SYNE1: variants seen among roughly 807,000 people sequenced by gnomAD.
The protein encoded by SYNE1 is nesprin-1.
SYNE1 carries 616 observed loss-of-function variants against 1,111.0 expected under a neutral mutation model. The observed-to-expected ratio is 0.55, with a 90% CI of 0.52 to 0.59. The LOEUF (loss-of-function observed/expected upper bound fraction) is 0.59, where lower values mean the gene tolerates loss of function less well. Ranked by LOEUF, SYNE1 falls within the 20% of genes least tolerant of loss-of-function variation. The pLI, the probability that SYNE1 is intolerant of heterozygous loss-of-function variation, is 0.00. For synonymous variants in SYNE1, 3,855 were observed against 3,825.8 expected, an observed-to-expected ratio of 1.01 and a Z score of -0.28; for missense variants, 10,006 against 10,417.0, an observed-to-expected ratio of 0.96 and a Z score of 1.72.
rs757688642 is a variant in SYNE1 at position 152,224,547 on chromosome 6, G to A, written c.21469C>T (p.Arg7157Cys). ...MEARYSLSRFRLLTGSLEAVQ... is the reference protein window; with the variant it reads ...MEARYSLSRFCLLTGSLEAVQ... ...GCTTCTAAGGAGCCAGTCAGCAGAC[G>A]GAATCGGGAAAGAGAGTATCTGGCC... Residue 7157 changes from arginine (R) to cysteine (C), a missense_variant, in exon 117 of 146, where the codon CGT becomes TGT. By Grantham distance (180) the Arg-to-Cys change is radical. Coordinates refer to ENST00000367255, the MANE Select transcript of SYNE1 (RefSeq NM_182961.4). The A allele has an allele frequency of 2.0e-5, 33 of 1,613,858 alleles. No individual in the cohort carries two copies. In the African/African-American group the frequency reaches 2.4e-4, roughly 12 times the overall value.
chr6:152,536,446 A>AGT (rs1336290060), intron 4 of SYNE1, among the ~76,000 whole-genome samples: 1 of 103,334 alleles, frequency 9.7e-6, no homozygotes, highest in African/African-American at 3.0e-5. Flanking sequence ...TATATATAGT[A>AGT]ATATATATTT....
At chr6:152,454,683 T>C (rs1284830215) in intron 24 of SYNE1, among the ~76,000 whole-genome samples, 1 of 152,196 alleles carries the variant, frequency 6.6e-6, no homozygotes, top group East Asian at 1.9e-4. Flanking sequence ...AAAACGGTGA[T>C]TCAAAACAAG....
intron 142 of SYNE1, 189 bp downstream of exon 142, chr6:152,134,912 TATC>T (rs761829541): frequency 7.8e-6 from 5 of 638,042 alleles, no homozygotes; most frequent in Non-Finnish European, 1.3e-5. Flanking sequence ...AGCTAGCAGA[TATC>T]ATCTTCTATG....
rs149866700 is a variant in SYNE1, at chr6:152,490,465, T to C, written c.940-1962A>G. ...GATGACATTCCACCATTGTGATTTG[T>C]TCCTGCCCCATCCTAACTGATCAAT... is the stretch of plus-strand genomic sequence containing the variant. On this transcript the variant is annotated intron_variant, in intron 11 of 145. Coordinates refer to ENST00000367255, the MANE Select transcript of SYNE1 (RefSeq NM_182961.4). Among the ~76,000 whole-genome samples, 598 of 152,300 alleles carry C rather than the reference T, an allele frequency of 3.9e-3. 6 individuals are homozygous for C. The highest frequency in any genetic ancestry group is 0.014 in the African/African-American group (565 of 41,574).
intron 3 of SYNE1, among the ~76,000 whole-genome samples, chr6:152,563,391 C>A (rs1295066597): frequency 6.6e-6 from 1 of 152,112 alleles, no homozygotes; most frequent in East Asian, 1.9e-4. Flanking sequence ...AGCGTGTCTA[C>A]AAAGACAGTG....
intron 66 of SYNE1, among the ~76,000 whole-genome samples, chr6:152,357,663 C>T (rs2096860625): frequency 6.6e-6 from 1 of 152,158 alleles, no homozygotes. Context: ...TATTTATAAT[C>T]ATCTTTCTAT....
intron 3 of SYNE1, among the ~76,000 whole-genome samples, chr6:152,623,109 G>A (rs974811454): frequency 2.0e-5 from 3 of 151,986 alleles, no homozygotes; most frequent in Non-Finnish European, 4.4e-5. Context: ...ATACTGCAGG[G>A]CTACAGTAAC....
chr6:152,303,694 A>G (rs1411320350), intron 91 of SYNE1, among the ~76,000 whole-genome samples: 1 of 152,214 alleles, frequency 6.6e-6, no homozygotes, highest in Non-Finnish European at 1.5e-5. Context: ...GATTACTAAT[A>G]ATACCTAATA....
chr6:152,472,828 C>G (rs2098814211), intron 14 of SYNE1, among the ~76,000 whole-genome samples: 1 of 152,148 alleles, frequency 6.6e-6, no homozygotes, highest in African/African-American at 2.4e-5. Context: ...ATTAGGCTTT[C>G]TACTGTTATT....
intron 4 of SYNE1, among the ~76,000 whole-genome samples, chr6:152,538,532 T>C (rs1299719227): frequency 2.6e-5 from 4 of 152,152 alleles, no homozygotes; most frequent in Non-Finnish European, 5.9e-5. Flanking sequence ...AGATTACTTT[T>C]ACTTTCTTTA....
At chr6:152,590,736 T>C (rs1051517858) in intron 3 of SYNE1, among the ~76,000 whole-genome samples, 2 of 152,212 alleles carry the variant, frequency 1.3e-5, no homozygotes, top group Non-Finnish European at 2.9e-5. Context: ...CTCCATTGCT[T>C]ATGCTAGTTC....
chr6:152,284,271 A>C (rs886922005), intron 95 of SYNE1, 99 bp from the exon 96 acceptor site: 1 of 1,221,560 alleles, frequency 8.2e-7, no homozygotes, highest in African/African-American at 1.5e-5. Context: ...TTAGCGGAAG[A>C]GATTTCACCT....
chr6:152,366,606 C>T (rs2097085378), intron 62 of SYNE1, among the ~76,000 whole-genome samples: 1 of 152,218 alleles, frequency 6.6e-6, no homozygotes, highest in Admixed American at 6.5e-5. Flanking sequence ...GGTTCCACTC[C>T]TGTGTATGTC....
At chr6:152,279,971 A>G (rs547939504) in intron 97 of SYNE1, among the ~76,000 whole-genome samples, 9 of 152,264 alleles carry the variant, frequency 5.9e-5, no homozygotes, top group Admixed American at 5.9e-4. Flanking sequence ...AAAAAACTGA[A>G]TATAATAATA....
Position 152,321,790 on chromosome 6 carries a change from C to T in SYNE1, c.16014G>A (p.Trp5338Ter), listed in dbSNP as rs2095874152. Residue 5338 changes from tryptophan to a stop codon, truncating the protein, a stop_gained, in exon 83 of 146, where the codon TGG becomes TGA. Transcript: ENST00000367255. LOFTEE classifies it high-confidence loss of function. ...CTAAATATTCTTTCGTTTCCTGAAC[C>T]CAACATTTCACAGAATTGATCTGAG... ...VETQINSVKC[W>*]VQETKEYLGN... 1 of 1,613,844 alleles carries T rather than the reference C, an allele frequency of 6.2e-7. No homozygotes were observed. The highest frequency in any genetic ancestry group is 1.1e-5 in the South Asian group (1 of 91,064).
At chr6:152,350,863 C>T (rs2096730049) in intron 70 of SYNE1, 93 bp from the exon 71 acceptor site, 5 of 1,444,328 alleles carry the variant, frequency 3.5e-6, no homozygotes, top group Non-Finnish European at 4.8e-6. Context: ...GATGATCTAC[C>T]TCAAAGAAAG....
In SYNE1 at chr6:152,369,628, G is replaced by T; in HGVS notation, c.9508-14C>A. 6.2e-7 allele frequency: 1 copy of T among 1,614,060 alleles called. No individual in the cohort carries two copies. Among genetic ancestry groups the T allele is most frequent in the Non-Finnish European group, 8.5e-7 (1 of 1,180,000 alleles). On this transcript the variant is annotated splice_polypyrimidine_tract_variant and intron_variant, in intron 59 of 145. Transcript: ENST00000367255. ...GATCTTTAGATTCTGCAAGGTTTTA[G>T]ATAGTGTCCAGGACAAGAAAATATT...
At chr6:152,376,262 T>A in intron 58 of SYNE1, 119 bp downstream of exon 58, 2 of 1,083,326 alleles carry the variant, frequency 1.8e-6, no homozygotes, top group African/African-American at 3.1e-5. Context: ...TGCGGCCTGG[T>A]TCCTAACAGG....
rs752243290 is a variant in SYNE1 at position 152,398,886 on chromosome 6, T to C, written c.7238-155A>G. 8.1e-4 allele frequency among the ~76,000 whole-genome samples: 123 copies of C among 152,092 alleles called. 2 individuals are homozygous for C. Among genetic ancestry groups the C allele is most frequent in the Non-Finnish European group, 2.8e-4 (19 of 68,018 alleles). On this transcript the variant is annotated intron_variant, in intron 48 of 145. Coordinates refer to ENST00000367255, the MANE Select transcript of SYNE1 (RefSeq NM_182961.4). The stretch of plus-strand genomic sequence containing the variant: ...ATTCCACAAAGAAAATAATAATATA[T>C]AAAGTAATACAGTATGATCTACAGC...
Sources: allele counts gnomAD v4.1 joint callset (sites outside exome capture counted in the v4.1 genomes callset), GRCh38; gene constraint gnomAD v4.1.1; transcripts MANE v1.5; gene names NCBI Gene and HGNC (gene_info 2026-07-23, HGNC 2026-07-21).